Variants in GNAQ observed in about 807,000 individuals in gnomAD.
GNAQ encodes G protein subunit alpha q.
Under a neutral mutation model 43.9 loss-of-function variants are expected in GNAQ, and 8 were observed. The observed-to-expected ratio is 0.18, with a 90% confidence interval of 0.11 to 0.33. The LOEUF (loss-of-function observed/expected upper bound fraction) is 0.33, where lower values mean the gene tolerates loss of function less well. Ranked by LOEUF, GNAQ falls within the 10% of genes least tolerant of loss-of-function variation. The probability of loss-of-function intolerance (pLI) is 1.00; values close to 1 mark genes in which losing one functional copy is unlikely to be tolerated. For missense variants in GNAQ, 158 were observed against 450.8 expected, an observed-to-expected ratio of 0.35 and a Z score of 5.88; for synonymous variants, 155 against 170.7, an observed-to-expected ratio of 0.91 and a Z score of 0.71.
intron 1 of GNAQ, among the ~76,000 whole-genome samples, chr9:77,993,043 T>C (rs572994724): frequency 3.3e-4 from 51 of 152,318 alleles, no homozygotes; most frequent in Admixed American, 7.8e-4. Flanking sequence ...ACAAAACACA[T>C]TCCAATATTG....
chr9:77,977,717 AG>A (rs1823322135), intron 1 of GNAQ, among the ~76,000 whole-genome samples: 1 of 152,136 alleles, frequency 6.6e-6, no homozygotes, highest in African/African-American at 2.4e-5. Flanking sequence ...CCCTTATAGG[AG>A]GAACATTTTC....
chr9:77,775,396 TCTC>T (rs1484825434), intron 5 of GNAQ, among the ~76,000 whole-genome samples: 1 of 149,408 alleles, frequency 6.7e-6, no homozygotes, highest in Non-Finnish European at 1.5e-5. Context: ...AATGTTCACT[TCTC>T]CTCATCTCTC....
At chr9:77,807,704 G>A (rs1330695498) in intron 3 of GNAQ, among the ~76,000 whole-genome samples, 1 of 152,176 alleles carries the variant, frequency 6.6e-6, no homozygotes, top group East Asian at 1.9e-4. Context: ...GAGCATCAGA[G>A]TCTTAAACTA....
At chr9:77,922,908 C>T (rs893495065) in intron 1 of GNAQ, among the ~76,000 whole-genome samples, 7 of 152,132 alleles carry the variant, frequency 4.6e-5, no homozygotes, top group African/African-American at 1.4e-4. Flanking sequence ...TAGCTCACTA[C>T]AGCCCTGAAC....
chr9:77,752,987 T>C (rs1387371166), intron 5 of GNAQ, among the ~76,000 whole-genome samples: 2 of 144,942 alleles, frequency 1.4e-5, no homozygotes, highest in Admixed American at 7.2e-5. Context: ...CTCGGGAGGC[T>C]GAGGCAGGAG....
intron 5 of GNAQ, among the ~76,000 whole-genome samples, chr9:77,770,197 A>C (rs1234594727): frequency 6.6e-6 from 1 of 152,192 alleles, no homozygotes; most frequent in African/African-American, 2.4e-5. Context: ...TAATTCAACA[A>C]AGTTAGGTTT....
intron 1 of GNAQ, among the ~76,000 whole-genome samples, chr9:77,968,980 T>A (rs1159328555): frequency 6.6e-6 from 1 of 152,200 alleles, no homozygotes; most frequent in Non-Finnish European, 1.5e-5. Context: ...CCTAGTGAGG[T>A]GTGATGGCGG....
At chr9:77,944,387 G>A (rs1443964208) in intron 1 of GNAQ, among the ~76,000 whole-genome samples, 2 of 151,074 alleles carry the variant, frequency 1.3e-5, no homozygotes, top group Non-Finnish European at 1.5e-5. Context: ...GATGCAGGTT[G>A]TCACTTAAAC....
At chr9:77,766,580 G>A (rs77893395) in intron 5 of GNAQ, among the ~76,000 whole-genome samples, 2,157 of 152,262 alleles carry the variant, frequency 0.014, 45 homozygotes, top group African/African-American at 0.045. Context: ...CTTATTTTAA[G>A]TGAAGATGTT....
chr9:78,027,800 G>A (rs1321335236), intron 1 of GNAQ, among the ~76,000 whole-genome samples: 2 of 149,844 alleles, frequency 1.3e-5, no homozygotes, highest in African/African-American at 2.4e-5. Context: ...TTTCAATAGC[G>A]ATAATTCAAT....
At chr9:77,940,154 T>C (rs1223158552) in intron 1 of GNAQ, among the ~76,000 whole-genome samples, 1 of 152,088 alleles carries the variant, frequency 6.6e-6, no homozygotes, top group African/African-American at 2.4e-5. Flanking sequence ...TGAAGAGAAG[T>C]TATAAAGGTG....
chr9:77,782,163 A>C (rs532504108), intron 5 of GNAQ, among the ~76,000 whole-genome samples: 4 of 152,164 alleles, frequency 2.6e-5, no homozygotes, highest in Non-Finnish European at 5.9e-5. Context: ...CATGTACCCT[A>C]AAACTTAAAG....
intron 2 of GNAQ, among the ~76,000 whole-genome samples, chr9:77,884,688 C>G (rs867429822): frequency 1.3e-5 from 2 of 152,152 alleles, no homozygotes; most frequent in Admixed American, 6.5e-5. Flanking sequence ...GGAGGACAGG[C>G]TGTGGCTGTT....
At chr9:77,980,785 A>T (rs1201930307) in intron 1 of GNAQ, among the ~76,000 whole-genome samples, 1 of 152,244 alleles carries the variant, frequency 6.6e-6, no homozygotes, top group Non-Finnish European at 1.5e-5. Context: ...ATTCTGGAAG[A>T]TGAATACTCC....
At chr9:77,959,244 C>G (rs1213955640) in intron 1 of GNAQ, among the ~76,000 whole-genome samples, 1 of 152,186 alleles carries the variant, frequency 6.6e-6, no homozygotes, top group African/African-American at 2.4e-5. Context: ...TCCAAAGTCT[C>G]TTGCTTCATT....
At chr9:77,811,192 T>C (rs1213482794) in intron 3 of GNAQ, among the ~76,000 whole-genome samples, 1 of 152,116 alleles carries the variant, frequency 6.6e-6, no homozygotes, top group Non-Finnish European at 1.5e-5. Flanking sequence ...AAGTTGGTCC[T>C]AAGCTCAGAA....
chr9:77,778,412 G>A (rs1019101163), intron 5 of GNAQ, among the ~76,000 whole-genome samples: 2 of 151,824 alleles, frequency 1.3e-5, no homozygotes, highest in East Asian at 1.9e-4. Flanking sequence ...CAAGGGCAAC[G>A]ACTAAAATAA....
intron 1 of GNAQ, among the ~76,000 whole-genome samples, chr9:77,955,344 T>C (rs541135522): frequency 1.3e-5 from 2 of 152,224 alleles, no homozygotes; most frequent in South Asian, 2.1e-4. Flanking sequence ...GATTTCACCA[T>C]CTTGGCCAGG....
chr9:77,870,320 G>A (rs1828015851), intron 2 of GNAQ, among the ~76,000 whole-genome samples: 1 of 146,410 alleles, frequency 6.8e-6, no homozygotes, highest in African/African-American at 2.5e-5. Context: ...TTTTTTTGGT[G>A]CTAGTTTTTT....
Sources: gnomAD v4.1 joint callset for allele counts (sites outside exome capture counted in the v4.1 genomes callset) on GRCh38, gnomAD v4.1.1 for gene constraint, MANE v1.5 for transcripts, NCBI Gene and HGNC (gene_info 2026-07-23, HGNC 2026-07-21) for gene names.